Variants in TTC13 observed in about 807,000 individuals in gnomAD.
The protein encoded by TTC13 is tetratricopeptide repeat protein 13.
TTC13 carries 62 observed loss-of-function variants against 120.0 expected under a neutral mutation model. The ratio of observed to expected loss-of-function variants is 0.52; its 90% CI spans 0.42 to 0.64. The LOEUF (loss-of-function observed/expected upper bound fraction) is 0.64. Ranked by LOEUF, TTC13 falls within the 30% of genes least tolerant of loss-of-function variation. The pLI, the probability that TTC13 is intolerant of heterozygous loss-of-function variation, is 0.00. For missense variants in TTC13, 824 were observed against 1,050.2 expected (o/e 0.78, Z 2.98); for synonymous variants, 384 against 393.5 (o/e 0.98, Z 0.28).
intron 12 of TTC13, among the ~76,000 whole-genome samples, chr1:230,927,872 CA>C (rs909422795): frequency 1.3e-5 from 2 of 152,188 alleles, no homozygotes; most frequent in African/African-American, 2.4e-5. Context: ...TATGCCATCA[CA>C]AATATCAATT....
rs183337207 is a variant in TTC13 at position 230,911,525 on chromosome 1, T to C, written c.2254A>G (p.Ile752Val). The C allele has an allele frequency of 3.7e-5, 59 of 1,604,852 alleles. No homozygotes were observed. In the East Asian group the frequency reaches 1.3e-3, roughly 34 times the overall value. Residue 752 changes from isoleucine to valine, a missense_variant, in exon 20 of 23, where the codon ATC becomes GTC. By Grantham distance (29) the Ile-to-Val change is conservative. Coordinates refer to ENST00000366661, the MANE Select transcript of TTC13 (RefSeq NM_024525.5). ...FGEADAVCNL[I>V]LSLVYYFYNL... ...TAAAAGTAATAAACTAAGGATAAGA[T>C]TAAGTTGCAGACAGCATCAGCCTCC...
At chr1:230,930,563 C>T (rs12044526) in intron 11 of TTC13, among the ~76,000 whole-genome samples, 26,754 of 152,060 alleles carry the variant, frequency 0.18, 2,536 homozygotes, top group East Asian at 0.4. Flanking sequence ...TCATATTTCT[C>T]CAAAATATAT....
intron 1 of TTC13, among the ~76,000 whole-genome samples, chr1:230,966,085 G>T (rs1359153367): frequency 3.3e-5 from 5 of 151,870 alleles, no homozygotes; most frequent in South Asian, 2.1e-4. Context: ...TGATCTGTTT[G>T]TTTTGATTTC....
intron 4 of TTC13, 104 bp downstream of exon 4, chr1:230,954,229 T>A: frequency 1.3e-6 from 1 of 784,874 alleles, no homozygotes. Context: ...CACTTTCTTG[T>A]ATAATTTAAA....
intron 8 of TTC13, 35 bp downstream of exon 8, chr1:230,939,351 T>A (rs772997957): frequency 1.5e-6 from 2 of 1,335,884 alleles, no homozygotes; most frequent in South Asian, 2.6e-5. Context: ...AGAAGCAGAG[T>A]CATCATATGG....
At chr1:230,918,709 C>T (rs1672280701) in intron 17 of TTC13, among the ~76,000 whole-genome samples, 2 of 152,108 alleles carry the variant, frequency 1.3e-5, no homozygotes, top group African/African-American at 4.8e-5. Context: ...AGACCAAAAA[C>T]CTGGAATAAC....
intron 13 of TTC13, 55 bp downstream of exon 13, chr1:230,925,462 C>G: frequency 6.3e-7 from 1 of 1,595,990 alleles, no homozygotes; most frequent in Non-Finnish European, 8.6e-7. Flanking sequence ...CATGGCTTAA[C>G]CACCCTTCCT....
chr1:230,924,944 G>C lies in TTC13; in HGVS notation c.1618C>G (p.Gln540Glu), dbSNP rs1266053695. 15 of 1,614,170 alleles carry C rather than the reference G, an allele frequency of 9.3e-6. No individual in the cohort carries two copies. The highest frequency in any genetic ancestry group is 1.3e-5 in the Non-Finnish European group (15 of 1,180,036). Residue 540 changes from glutamine (Q) to glutamate (E), a missense_variant, in exon 14 of 23, where the codon CAA becomes GAA. Gln to Glu is a conservative substitution (Grantham distance 29). Coordinates refer to ENST00000366661, the MANE Select transcript of TTC13 (RefSeq NM_024525.5). The part of the protein sequence containing the change: ...AMGLAALEVM[Q>E]AVQRTWTNSK... ...TTGGTCCATGTACGCTGCACGGCTTGCATGACCTCCAATGCGGCCAAACCC... is the reference window on the plus strand; with the variant it reads ...TTGGTCCATGTACGCTGCACGGCTTCCATGACCTCCAATGCGGCCAAACCC...
At chr1:230,921,808 C>T (rs572575511) in intron 15 of TTC13, among the ~76,000 whole-genome samples, 18 of 152,314 alleles carry the variant, frequency 1.2e-4, no homozygotes, top group Admixed American at 5.9e-4. Flanking sequence ...CGTCCTCTGA[C>T]GGATCCCATC....
Position 230,933,557 on chromosome 1 carries a change from G to A in TTC13, c.983+222C>T, listed in dbSNP as rs547048831. The stretch of plus-strand genomic sequence containing the variant: ...GAACGTTTTCTAGACCAATACACAC[G>A]CTGAAGTTAAGAGAGAATACTGTGC... On this transcript the variant is annotated intron_variant, in intron 9 of 22. Coordinates refer to ENST00000366661, the MANE Select transcript of TTC13 (RefSeq NM_024525.5). Among the ~76,000 whole-genome samples the A allele has an allele frequency of 2.0e-5, 3 of 152,182 alleles. No individual in the cohort carries two copies. The East Asian group carries it at 5.8e-4, about 29-fold the overall frequency.
At chr1:230,955,857 A>T (rs965347732) in intron 3 of TTC13, among the ~76,000 whole-genome samples, 5 of 152,110 alleles carry the variant, frequency 3.3e-5, no homozygotes, top group African/African-American at 1.2e-4. Context: ...TGGAAAGATA[A>T]ATTAAGCCCA....
At chr1:230,950,012 C>T (rs1675422682) in intron 4 of TTC13, among the ~76,000 whole-genome samples, 1 of 152,138 alleles carries the variant, frequency 6.6e-6, no homozygotes, top group Non-Finnish European at 1.5e-5. Context: ...ATTATTGTGG[C>T]TGTTATATCT....
At chr1:230,969,154 C>T (rs1048005098) in intron 1 of TTC13, among the ~76,000 whole-genome samples, 2 of 71,750 alleles carry the variant, frequency 2.8e-5, no homozygotes, top group Non-Finnish European at 5.7e-5. Flanking sequence ...CCCAGCTATC[C>T]GAGAGGCTGA....
chr1:230,925,396 G>C (rs1467982635), intron 13 of TTC13, 121 bp downstream of exon 13: 3 of 1,142,326 alleles, frequency 2.6e-6, no homozygotes, highest in Non-Finnish European at 3.7e-6. Context: ...TTTCTATTCT[G>C]ATCACATGGA....
At chr1:230,949,501 T>C (rs1363565735) in intron 4 of TTC13, among the ~76,000 whole-genome samples, 1 of 150,278 alleles carries the variant, frequency 6.7e-6, no homozygotes, top group Non-Finnish European at 1.5e-5. Flanking sequence ...GACTGCAGGA[T>C]TGGATGTGTG....
intron 3 of TTC13, among the ~76,000 whole-genome samples, chr1:230,957,394 G>A (rs1052566372): frequency 2.6e-5 from 4 of 152,196 alleles, no homozygotes; most frequent in Admixed American, 6.5e-5. Context: ...CTATGATTGT[G>A]CCACTGCACT....
rs544709293 is a variant in TTC13 at position 230,923,912 on chromosome 1, G to C, written c.1743C>G (p.Pro581=). Residue 581 remains proline, a synonymous_variant, in exon 15 of 23, where the codon CCC becomes CCG. Coordinates refer to ENST00000366661, the MANE Select transcript of TTC13 (RefSeq NM_024525.5). The part of the protein sequence containing the change: ...KWRRIADPDQ[P]VLWLDQMPAR... ...CTGGCATTTGATCTAACCACAGCACGGGCTGGTCTGGGTCAGCAATCCTAT... is the reference window on the plus strand; with the variant it reads ...CTGGCATTTGATCTAACCACAGCACCGGCTGGTCTGGGTCAGCAATCCTAT... 1 of 1,613,744 alleles carries C rather than the reference G, an allele frequency of 6.2e-7. No homozygotes were observed. The highest frequency in any genetic ancestry group is 2.2e-5 in the East Asian group (1 of 44,866).
chr1:230,908,929 C>T lies in TTC13; in HGVS notation c.2388+13G>A, dbSNP rs193154335. ...ACATAACCAAGCATTTCTCCCTTCC[C>T]GCTCCAACATACCTTCCCTTTGGGA... On this transcript the variant is annotated intron_variant, in intron 21 of 22. Transcript: ENST00000366661. 288 of 1,613,998 alleles carry T rather than the reference C, an allele frequency of 1.8e-4. No individual in the cohort carries two copies. Among genetic ancestry groups the T allele is most frequent in the Admixed American group, 4.8e-4 (29 of 60,020 alleles).
At chr1:230,977,586 T>TA (rs138521198) in intron 1 of TTC13, among the ~76,000 whole-genome samples, 15,100 of 146,980 alleles carry the variant, frequency 0.1, 778 homozygotes, top group South Asian at 0.18. Context: ...TCATCTCAAC[T>TA]AAAAAAAAAA....
Sources: allele counts gnomAD v4.1 joint callset (sites outside exome capture counted in the v4.1 genomes callset), GRCh38; gene constraint gnomAD v4.1.1; transcripts MANE v1.5; gene names NCBI Gene and HGNC (gene_info 2026-07-23, HGNC 2026-07-21).